MPST: variants seen among roughly 807,000 people sequenced by gnomAD.
The protein encoded by MPST is mercaptopyruvate sulfurtransferase.
A neutral mutation model predicts 28.5 loss-of-function variants in MPST; 27 were observed. That is an observed-to-expected ratio of 0.95 (90% CI 0.70 to 1.31). MPST has a LOEUF of 1.31. MPST is among the 50% of genes most tolerant of loss of function. The pLI is 0.00. For synonymous variants in MPST, 204 were observed against 209.3 expected (o/e 0.97, Z 0.22); for missense variants, 492 against 471.1 (o/e 1.04, Z -0.41).
Position 37,024,704 on chromosome 22 carries a change from C to G in MPST, c.549C>G (p.Ile183Met). 6.3e-7 allele frequency: 1 copy of G among 1,599,992 alleles called. No individual in the cohort carries two copies. Residue 183 changes from isoleucine to methionine, a missense_variant, in exon 2 of 3, where the codon ATC (isoleucine) becomes ATG (methionine). Physicochemically the swap from Ile to Met is conservative, Grantham distance 10. Coordinates refer to ENST00000429360, the MANE Select transcript of MPST (RefSeq NM_021126.8). ...GCGCTCAGCTCGACCCCGCCTTCAT[C>G]AAGACCTACGAGGACATCAAGGAGA... The part of the protein sequence containing the change: ...EFRAQLDPAF[I>M]KTYEDIKENL...
At chr22:37,024,104 G>A in intron 1 of MPST, 88 bp from the exon 2 acceptor site, 2 of 1,287,402 alleles carry the variant, frequency 1.6e-6, no homozygotes, top group South Asian at 1.8e-5. Flanking sequence ...CACCTCCCCC[G>A]CCGGCCCTCG....
intron 1 of MPST, 190 bp downstream of exon 1, chr22:37,020,062 C>G: frequency 2.7e-5 from 9 of 327,714 alleles, no homozygotes; most frequent in Non-Finnish European, 2.7e-5. Flanking sequence ...GGGGTCGTGG[C>G]GAGTGGCGGG....
At position 37,024,012 on chromosome 22, in the gene MPST, G is replaced by A. The variant is rs577129039; in HGVS notation, c.37-180G>A. 53 of 1,338,994 alleles carry A rather than the reference G, an allele frequency of 4.0e-5. No homozygotes were observed. The South Asian group carries it at 7.8e-4, about 20-fold the overall frequency. The allele number at this position is 1,338,994 out of a possible 1,614,324, so 82.9% of individuals were successfully genotyped here. A position where few individuals can be genotyped will look rare whatever the true frequency, so the allele number is the denominator to read the frequency against. On this transcript the variant is annotated intron_variant, in intron 1 of 2. Transcript: ENST00000429360. Reference sequence around the variant, plus strand: ...GTGTTTATATGAGGCCTGGCAGAGGGAGGCCCCTGGCTACCCACCTTTGTG... The same window carrying A: ...GTGTTTATATGAGGCCTGGCAGAGGAAGGCCCCTGGCTACCCACCTTTGTG...
chr22:37,023,970 T>A, intron 1 of MPST: 1 of 1,493,562 alleles, frequency 6.7e-7, no homozygotes. Context: ...TCATGGTCAT[T>A]GGGTCACTCG....
intron 2 of MPST, 55 bp from the exon 3 acceptor site, chr22:37,029,161 G>A (rs8136339): frequency 0.16 from 243,840 of 1,526,078 alleles, 21,477 homozygotes; most frequent in Admixed American, 0.24. Context: ...CAAATACGAG[G>A]TACCATTCAT....
In MPST at chr22:37,024,484, G is replaced by T; in HGVS notation, c.329G>T (p.Gly110Val). The T allele has an allele frequency of 1.3e-6, 2 of 1,558,600 alleles. No individual in the cohort carries two copies. Among genetic ancestry groups the T allele is most frequent in the South Asian group, 2.3e-5 (2 of 85,622 alleles). ...EHFAEYAGRL[G>V]VGAATHVVIY... is the part of the protein sequence containing the mutation. ...TTCGCGGAGTACGCAGGCCGCCTGG[G>T]CGTGGGCGCGGCCACCCACGTCGTG... is the stretch of plus-strand genomic sequence containing the variant. Residue 110 changes from glycine (G) to valine (V), a missense_variant, in exon 2 of 3, where the codon GGC (glycine) becomes GTC (valine). Physicochemically the swap from Gly to Val is moderately radical, Grantham distance 109. Coordinates refer to ENST00000429360, the MANE Select transcript of MPST (RefSeq NM_021126.8).
chr22:37,022,073 G>C (rs1456534036), intron 1 of MPST, among the ~76,000 whole-genome samples: 1 of 152,034 alleles, frequency 6.6e-6, no homozygotes. Context: ...GGGTGCACAG[G>C]GGCTGCTGTG....
chr22:37,028,810 G>T, intron 2 of MPST: 1 of 174,970 alleles, frequency 5.7e-6, no homozygotes, highest in Non-Finnish European at 1.2e-5. Flanking sequence ...CACCCATTAT[G>T]CTTGTAATTA....
Position 37,029,366 on chromosome 22 carries a change from G to A in MPST, c.806G>A (p.Gly269Asp). 3.7e-6 allele frequency: 6 copies of A among 1,614,044 alleles called. No homozygotes were observed. Among genetic ancestry groups the A allele is most frequent in the Admixed American group, 1.7e-5 (1 of 60,032 alleles). ...TCTAAGCCACTGGTGGCCACGTGTG[G>A]CTCTGGCGTCACAGCCTGCCACGTG... The part of the protein sequence containing the change: ...DLSKPLVATC[G>D]SGVTACHVAL... Residue 269 changes from glycine (G) to aspartate (D), a missense_variant, in exon 3 of 3, where the codon GGC (glycine) becomes GAC (aspartate). Transcript: ENST00000429360.
intron 1 of MPST, among the ~76,000 whole-genome samples, chr22:37,022,799 G>A (rs1923171104): frequency 6.6e-6 from 1 of 152,228 alleles, no homozygotes. Context: ...GCATGCAGTG[G>A]GTGTCAAGGT....
rs1237342956 is a variant in MPST at position 37,029,312 on chromosome 22, A to G, written c.752A>G (p.His251Arg). The change falls in exon 3 of 3, where the codon CAT (histidine) becomes CGT (arginine). Residue 251 changes from histidine (H) to arginine (R), a missense_variant. Coordinates refer to ENST00000429360, the MANE Select transcript of MPST (RefSeq NM_021126.8). ...GAGAAGAGCCCTGAGGAGATCCGCC[A>G]TCTGTTCCAGGAGAAGAAAGTGGAC... ...GLEKSPEEIR[H>R]LFQEKKVDLS... 2 of 1,614,156 alleles carry G rather than the reference A, an allele frequency of 1.2e-6. No homozygotes were observed. The highest frequency in any genetic ancestry group is 1.3e-5 in the African/African-American group (1 of 75,050).
At chr22:37,027,624 G>C (rs1033750638) in intron 2 of MPST, 1 of 152,220 alleles carries the variant, frequency 6.6e-6, no homozygotes, top group African/African-American at 2.4e-5. Flanking sequence ...CTGCAGTCAG[G>C]TCAAAGCCCC....
At chr22:37,023,282 GAC>G (rs1923206224) in intron 1 of MPST, 1 of 152,268 alleles carries the variant, frequency 6.6e-6, no homozygotes, top group African/African-American at 2.4e-5. Context: ...TTGTTTTTGA[GAC>G]AGAGTTTTGC....
At chr22:37,029,113 C>A in intron 2 of MPST, 103 bp from the exon 3 acceptor site, 2 of 1,078,770 alleles carry the variant, frequency 1.9e-6, no homozygotes, top group Non-Finnish European at 2.6e-6. Flanking sequence ...GATTTAGCAC[C>A]ATGCTTGCAT....
At chr22:37,023,366 A>G in intron 1 of MPST, 1 of 152,396 alleles carries the variant, frequency 6.6e-6, no homozygotes. Flanking sequence ...GGGTTCAAGC[A>G]GTTCTCCTGC....
chr22:37,024,314 C>A lies in MPST; in HGVS notation c.159C>A (p.Asp53Glu), dbSNP rs1220128326. The part of the protein sequence containing the change: ...PRAGQPLQLL[D>E]ASWYLPKLGR... The stretch of plus-strand genomic sequence containing the variant: ...CTGGGCAGCCTCTGCAGCTGCTGGA[C>A]GCCTCCTGGTACCTGCCGAAGCTGG... Residue 53 changes from aspartate (D) to glutamate (E), a missense_variant, in exon 2 of 3, where the codon GAC becomes GAA. By Grantham distance (45) the Asp-to-Glu change is conservative. Coordinates refer to ENST00000429360, the MANE Select transcript of MPST (RefSeq NM_021126.8). 6.5e-7 allele frequency: 1 copy of A among 1,532,682 alleles called. No homozygotes were observed. The highest frequency in any genetic ancestry group is 8.8e-7 in the Non-Finnish European group (1 of 1,142,770). 94.9% of individuals were successfully genotyped at this position (1,532,682 alleles called of 1,614,324 possible). A position where few individuals can be genotyped will look rare whatever the true frequency, so the allele number is the denominator to read the frequency against.
chr22:37,029,697 G>A lies in MPST; in HGVS notation c.*183G>A. The stretch of plus-strand genomic sequence containing the variant: ...GGCTGCCAGTAGGGGCGGGAGGAAA[G>A]GCGGAGGCGAGCCCTGGAGGAGGGA... On this transcript the variant is annotated 3_prime_UTR_variant, in exon 3 of 3. Coordinates refer to ENST00000429360, the MANE Select transcript of MPST (RefSeq NM_021126.8). The A allele has an allele frequency of 1.5e-6, 1 of 682,466 alleles. No homozygotes were observed. The highest frequency in any genetic ancestry group is 2.4e-6 in the Non-Finnish European group (1 of 412,500). 42.3% of individuals were successfully genotyped at this position (682,466 alleles called of 1,614,324 possible). A position where few individuals can be genotyped will look rare whatever the true frequency, so the allele number is the denominator to read the frequency against.
Position 37,022,660 on chromosome 22 carries a change from C to A in MPST, c.37-1532C>A, listed in dbSNP as rs181190657. 4.4e-4 allele frequency among the ~76,000 whole-genome samples: 67 copies of A among 152,326 alleles called. No homozygotes were observed. The East Asian group carries it at 7.1e-3, about 16-fold the overall frequency. On this transcript the variant is annotated intron_variant, in intron 1 of 2. Transcript: ENST00000429360. Reference sequence around the variant, plus strand: ...ACTTATTCTTCTAATTGCCAGTGGCCTCATTCATAAAGCAGGCGTCCTAAT... The same window carrying A: ...ACTTATTCTTCTAATTGCCAGTGGCATCATTCATAAAGCAGGCGTCCTAAT...
intron 2 of MPST, 58 bp downstream of exon 2, chr22:37,024,868 A>G: frequency 6.3e-7 from 1 of 1,576,614 alleles, no homozygotes; most frequent in Non-Finnish European, 8.6e-7. Flanking sequence ...CGCCCTGAGC[A>G]GTGCCCTGGA....
Sources: gnomAD v4.1 joint callset for allele counts (sites outside exome capture counted in the v4.1 genomes callset) on GRCh38, gnomAD v4.1.1 for gene constraint, MANE v1.5 for transcripts, NCBI Gene and HGNC (gene_info 2026-07-23, HGNC 2026-07-21) for gene names.